The following F13B variants were observed in gnomAD, a reference collection of about 807,000 sequenced individuals.
F13B encodes the protein coagulation factor XIII B chain.
Under a neutral mutation model 79.8 loss-of-function variants are expected in F13B, and 58 were observed. The ratio of observed to expected loss-of-function variants is 0.73; its 90% CI spans 0.59 to 0.90. The LOEUF (loss-of-function observed/expected upper bound fraction) is 0.90. Ranked by LOEUF, F13B falls within the 40% of genes least tolerant of loss-of-function variation. F13B has a pLI of 0.00. For missense variants in F13B, 773 were observed against 777.0 expected (o/e 0.99, Z 0.06); for synonymous variants, 283 against 260.3 (o/e 1.09, Z -0.84).
intron 5 of F13B, among the ~76,000 whole-genome samples, chr1:197,057,947 C>A (rs1655709779): frequency 6.6e-6 from 1 of 152,126 alleles, no homozygotes; most frequent in Non-Finnish European, 1.5e-5. Flanking sequence ...AGAAGTCTTG[C>A]CCAGTCAAGC....
At chr1:197,047,784 T>C (rs1655288526) in intron 10 of F13B, among the ~76,000 whole-genome samples, 1 of 152,128 alleles carries the variant, frequency 6.6e-6, no homozygotes, top group Non-Finnish European at 1.5e-5. Context: ...ATGTGGCACA[T>C]ACACACCATG....
At chr1:197,040,757 A>C (rs749655588) in intron 10 of F13B, 22 bp from the exon 11 acceptor site, 1 of 1,544,752 alleles carries the variant, frequency 6.5e-7, no homozygotes, top group Non-Finnish European at 8.9e-7. Flanking sequence ...AATTTAAAAA[A>C]AAAGAAAGAA....
At chr1:197,043,048 G>T (rs1009363533) in intron 10 of F13B, among the ~76,000 whole-genome samples, 16 of 151,970 alleles carry the variant, frequency 1.1e-4, no homozygotes, top group Non-Finnish European at 1.8e-4. Context: ...AGAGATATGA[G>T]TTTGAGGCTC....
Position 197,060,410 on chromosome 1 carries a change from T to C in F13B, c.761A>G (p.Gln254Arg), listed in dbSNP as rs1361313881. The change falls in exon 5 of 12, where the codon CAA becomes CGA. Residue 254 changes from glutamine to arginine, a missense_variant. By Grantham distance (43) the Gln-to-Arg change is conservative. Transcript: ENST00000367412. ...TGGGTACCAACCAAAGTTATAGCATTGAATTAAATCAGATCCACTTAGATA... is the reference window on the plus strand; with the variant it reads ...TGGGTACCAACCAAAGTTATAGCATCGAATTAAATCAGATCCACTTAGATA... ...NYYLSGSDLI[Q>R]CYNFGWYPES... The C allele has an allele frequency of 6.2e-7, 1 of 1,612,442 alleles. No homozygotes were observed. The highest frequency in any genetic ancestry group is 2.2e-5 in the East Asian group (1 of 44,716).
chr1:197,057,801 A>G (rs1655702883), intron 5 of F13B, among the ~76,000 whole-genome samples: 1 of 152,210 alleles, frequency 6.6e-6, no homozygotes, highest in Admixed American at 6.5e-5. Flanking sequence ...AGGCTACATC[A>G]TGAGCTTCCA....
At chr1:197,043,110 T>C (rs541641837) in intron 10 of F13B, among the ~76,000 whole-genome samples, 1 of 152,104 alleles carries the variant, frequency 6.6e-6, no homozygotes, top group South Asian at 2.1e-4. Context: ...TATAGAGGCA[T>C]AGGATGAGAA....
rs540871790 is a variant in F13B, at chr1:197,067,092, G to A, written c.64+68C>T. 1.1e-4 allele frequency: 96 copies of A among 848,644 alleles called. No homozygotes were observed. The South Asian group carries it at 1.6e-3, about 14-fold the overall frequency. The allele number at this position is 848,644 out of a possible 1,614,324, so 52.6% of individuals were successfully genotyped here. On this transcript the variant is annotated intron_variant, in intron 1 of 11. Transcript: ENST00000367412. Reference sequence around the variant, plus strand: ...AATAGAAGAGTATATTAAAACTTGAGTTGTATAAATATTAGAATCTCCATT... The same window carrying A: ...AATAGAAGAGTATATTAAAACTTGAATTGTATAAATATTAGAATCTCCATT...
chr1:197,060,228 A>G (rs1184588735), intron 5 of F13B, 138 bp downstream of exon 5: 1 of 584,420 alleles, frequency 1.7e-6, no homozygotes, highest in African/African-American at 1.9e-5. Flanking sequence ...AATAGCACTG[A>G]TTTAAAAGAT....
Position 197,039,206 on chromosome 1 carries a change from G to T in F13B, c.*172C>A, listed in dbSNP as rs1010467214. The T allele has an allele frequency of 5.0e-6, 3 of 595,316 alleles. No individual in the cohort carries two copies. The highest frequency in any genetic ancestry group is 4.6e-4 in the Middle Eastern group (1 of 2,196). 36.9% of individuals were successfully genotyped at this position (595,316 alleles called of 1,614,324 possible). On this transcript the variant is annotated 3_prime_UTR_variant, in exon 12 of 12. Coordinates refer to ENST00000367412, the MANE Select transcript of F13B (RefSeq NM_001994.3). ...ATCAAATCATACAAACTAAAAATTAGACATTTATTGGTTTTCATTTATAAA... is the reference window on the plus strand; with the variant it reads ...ATCAAATCATACAAACTAAAAATTATACATTTATTGGTTTTCATTTATAAA...
At chr1:197,064,728 TACTCCAAATAAAACATATATTTTA>T (rs1024880433) in intron 1 of F13B, among the ~76,000 whole-genome samples, 11 of 152,280 alleles carry the variant, frequency 7.2e-5, no homozygotes, top group South Asian at 4.1e-4. Context: ...GGATATGTTA[TACTCCAAATAAAACATATATTTTA>T]AAAATATATC....
At chr1:197,065,489 T>C (rs1656015446) in intron 1 of F13B, among the ~76,000 whole-genome samples, 1 of 152,184 alleles carries the variant, frequency 6.6e-6, no homozygotes, top group Non-Finnish European at 1.5e-5. Flanking sequence ...GGGATATCAC[T>C]TTATGAATAA....
At chr1:197,045,847 A>C (rs1218775474) in intron 10 of F13B, among the ~76,000 whole-genome samples, 1 of 152,238 alleles carries the variant, frequency 6.6e-6, no homozygotes. Flanking sequence ...CTGGGATGCA[A>C]TGCTGGTTCA....
chr1:197,052,518 A>G, intron 9 of F13B, 116 bp downstream of exon 9: 1 of 701,180 alleles, frequency 1.4e-6, no homozygotes, highest in Non-Finnish European at 2.3e-6. Flanking sequence ...ATAAAATAAA[A>G]CAAAATTAAA....
chr1:197,058,747 G>T (rs1655736626), intron 5 of F13B, among the ~76,000 whole-genome samples: 1 of 152,078 alleles, frequency 6.6e-6, no homozygotes, highest in Non-Finnish European at 1.5e-5. Flanking sequence ...AACGTTTAAT[G>T]GTTCTCAGTA....
chr1:197,063,326 CT>C (rs535527745), intron 1 of F13B, among the ~76,000 whole-genome samples: 2 of 149,952 alleles, frequency 1.3e-5, no homozygotes, highest in South Asian at 2.1e-4. Context: ...TAGAACAGTA[CT>C]TTTTTTTTTC....
At chr1:197,046,239 A>G (rs1655225279) in intron 10 of F13B, among the ~76,000 whole-genome samples, 1 of 152,248 alleles carries the variant, frequency 6.6e-6, no homozygotes, top group Non-Finnish European at 1.5e-5. Flanking sequence ...CTGTTTGCAG[A>G]TAACATGATT....
intron 10 of F13B, among the ~76,000 whole-genome samples, chr1:197,046,958 T>C (rs1325402714): frequency 1.3e-5 from 2 of 152,208 alleles, no homozygotes; most frequent in African/African-American, 4.8e-5. Flanking sequence ...GCTAGCCATA[T>C]GTAGAAAGCT....
intron 1 of F13B, among the ~76,000 whole-genome samples, chr1:197,063,493 T>A (rs919006092): frequency 6.6e-6 from 1 of 152,078 alleles, no homozygotes; most frequent in Non-Finnish European, 1.5e-5. Flanking sequence ...TTTTGTTTTA[T>A]TTTTTGTAGA....
At chr1:197,041,808 A>G (rs986146270) in intron 10 of F13B, among the ~76,000 whole-genome samples, 2 of 152,198 alleles carry the variant, frequency 1.3e-5, no homozygotes, top group African/African-American at 4.8e-5. Context: ...TTGAGGTGCA[A>G]CAACGAAACT....
Sources: allele counts gnomAD v4.1 joint callset (sites outside exome capture counted in the v4.1 genomes callset), GRCh38; gene constraint gnomAD v4.1.1; transcripts MANE v1.5; gene names NCBI Gene and HGNC (gene_info 2026-07-23, HGNC 2026-07-21).